The following DCDC1 variants were observed in gnomAD, a reference collection of about 807,000 sequenced individuals.
DCDC1 encodes doublecortin domain-containing protein 1.
DCDC1 carries 200 observed loss-of-function variants against 178.3 expected under a neutral mutation model. That is an observed-to-expected ratio of 1.12 (90% CI 1.00 to 1.26). DCDC1 has a LOEUF of 1.26. Among genes scored for constraint, DCDC1 ranks in the 50% most tolerant of loss-of-function variants. The pLI is 0.00. For synonymous variants in DCDC1, 690 were observed against 604.8 expected (o/e 1.14, Z -2.07); for missense variants, 1,983 against 1,749.2 (o/e 1.13, Z -2.38).
intron 9 of DCDC1, among the ~76,000 whole-genome samples, chr11:31,165,064 T>C (rs1966648024): frequency 6.6e-6 from 1 of 152,148 alleles, no homozygotes; most frequent in South Asian, 2.1e-4. Flanking sequence ...TAGGAGCAAA[T>C]AGGCTATACC....
At chr11:31,014,582 G>T (rs1952368632) in intron 20 of DCDC1, among the ~76,000 whole-genome samples, 2 of 152,172 alleles carry the variant, frequency 1.3e-5, no homozygotes, top group South Asian at 4.2e-4. Flanking sequence ...CTAAGTTTGG[G>T]GTAATTTTTA....
Position 31,130,704 on chromosome 11 carries a change from GAGTC to G in DCDC1, c.1315-3069_1315-3066del, listed in dbSNP as rs541890506. Among the ~76,000 whole-genome samples the G allele has an allele frequency of 3.8e-3, 581 of 152,198 alleles. 2 individuals carry two copies. Among genetic ancestry groups the G allele is most frequent in the African/African-American group, 0.013 (560 of 41,526 alleles). On this transcript the variant is annotated intron_variant, in intron 10 of 38. Coordinates refer to ENST00000684477, the MANE Select transcript of DCDC1 (RefSeq NM_001387274.1). Reference sequence around the variant, plus strand: ...TATAACTTATATAGTAGGTTACTAAGAGTCAGCCTTTAACTGTAAATTCAAATGA... The same window carrying G: ...TATAACTTATATAGTAGGTTACTAAGAGCCTTTAACTGTAAATTCAAATGA...
intron 4 of DCDC1, 27 bp from the exon 5 acceptor site, chr11:31,306,415 TG>T: frequency 6.4e-7 from 1 of 1,572,040 alleles, no homozygotes; most frequent in East Asian, 2.3e-5. Flanking sequence ...ACAGAAAAAT[TG>T]ATGCATGCTA....
intron 35 of DCDC1, among the ~76,000 whole-genome samples, chr11:30,893,928 G>A (rs746997859): frequency 2.0e-5 from 3 of 152,142 alleles, no homozygotes; most frequent in Non-Finnish European, 2.9e-5. Context: ...TAGGAGTAAT[G>A]AGCAATGAAG....
chr11:30,894,620 G>A (rs1008356082), intron 34 of DCDC1, among the ~76,000 whole-genome samples: 27 of 152,184 alleles, frequency 1.8e-4, no homozygotes, highest in Middle Eastern at 3.2e-3. Context: ...GGTAGAAGAC[G>A]AAGATAACAT....
chr11:31,073,289 A>G (rs910409246), intron 18 of DCDC1, among the ~76,000 whole-genome samples: 5 of 152,214 alleles, frequency 3.3e-5, no homozygotes, highest in African/African-American at 1.2e-4. Flanking sequence ...ATCAGCGATA[A>G]TATTGTTAGG....
chr11:31,159,655 A>G (rs1041821938), intron 9 of DCDC1, among the ~76,000 whole-genome samples: 1 of 152,266 alleles, frequency 6.6e-6, no homozygotes, highest in African/African-American at 2.4e-5. Flanking sequence ...ATGCTTCAAG[A>G]AAGAAAATCA....
intron 9 of DCDC1, among the ~76,000 whole-genome samples, chr11:31,182,598 AAACAACAAC>A (rs751802880): frequency 6.6e-6 from 1 of 151,956 alleles, no homozygotes; most frequent in South Asian, 2.1e-4. Context: ...TGTAAAAACA[AAACAACAAC>A]AACAACAACA....
chr11:31,214,886 T>G (rs892299618), intron 9 of DCDC1, among the ~76,000 whole-genome samples: 1 of 151,792 alleles, frequency 6.6e-6, no homozygotes. Flanking sequence ...ACATAAGAAA[T>G]AAATTACTAT....
intron 9 of DCDC1, among the ~76,000 whole-genome samples, chr11:31,200,719 T>C (rs12418457): frequency 0.076 from 11,596 of 152,072 alleles, 1,205 homozygotes; most frequent in African/African-American, 0.23. Context: ...TCATGTGCTA[T>C]TTCCAGAAAT....
At chr11:31,033,334 T>C (rs773026473) in intron 20 of DCDC1, among the ~76,000 whole-genome samples, 2 of 152,148 alleles carry the variant, frequency 1.3e-5, no homozygotes, top group Non-Finnish European at 2.9e-5. Flanking sequence ...TTATATACTC[T>C]GTTTTACATG....
At chr11:31,214,492 G>C (rs929655365) in intron 9 of DCDC1, among the ~76,000 whole-genome samples, 1 of 152,100 alleles carries the variant, frequency 6.6e-6, no homozygotes, top group Non-Finnish European at 1.5e-5. Context: ...CAGTGGGCCT[G>C]AGATGGGTAA....
At chr11:30,954,756 T>G (rs1269234710) in intron 20 of DCDC1, among the ~76,000 whole-genome samples, 2 of 152,228 alleles carry the variant, frequency 1.3e-5, no homozygotes, top group African/African-American at 4.8e-5. Context: ...CCAGTGCACA[T>G]GATGGTCATC....
At chr11:31,221,635 G>C (rs903888886) in intron 9 of DCDC1, among the ~76,000 whole-genome samples, 5 of 152,104 alleles carry the variant, frequency 3.3e-5, no homozygotes, top group Admixed American at 2.6e-4. Context: ...GTTCAAACTG[G>C]TAGTATCTCT....
intron 20 of DCDC1, among the ~76,000 whole-genome samples, chr11:31,044,206 G>C (rs913870443): frequency 6.6e-6 from 1 of 152,078 alleles, no homozygotes; most frequent in Non-Finnish European, 1.5e-5. Context: ...GGCCGGGCAC[G>C]GTGGCTCACG....
intron 20 of DCDC1, among the ~76,000 whole-genome samples, chr11:30,978,861 T>C (rs1378208127): frequency 6.7e-6 from 1 of 150,230 alleles, no homozygotes; most frequent in Non-Finnish European, 1.5e-5. Context: ...ATCATTCTAC[T>C]CCCTACCTCC....
intron 20 of DCDC1, among the ~76,000 whole-genome samples, chr11:31,052,055 C>G (rs1311733063): frequency 6.6e-6 from 1 of 152,016 alleles, no homozygotes; most frequent in Non-Finnish European, 1.5e-5. Context: ...ACATACAGAA[C>G]CACAAAATGG....
chr11:31,212,959 G>T (rs569548376), intron 9 of DCDC1, among the ~76,000 whole-genome samples: 1 of 152,152 alleles, frequency 6.6e-6, no homozygotes, highest in South Asian at 2.1e-4. Flanking sequence ...ACGTGAAGAA[G>T]AAATTCTCCT....
At chr11:31,221,615 G>A (rs547427096) in intron 9 of DCDC1, among the ~76,000 whole-genome samples, 24 of 152,064 alleles carry the variant, frequency 1.6e-4, no homozygotes, top group Non-Finnish European at 2.6e-4. Context: ...CACTTTCTCT[G>A]TTCCCTTTAG....
Sources: gnomAD v4.1 joint callset for allele counts (sites outside exome capture counted in the v4.1 genomes callset) on GRCh38, gnomAD v4.1.1 for gene constraint, MANE v1.5 for transcripts, NCBI Gene and HGNC (gene_info 2026-07-23, HGNC 2026-07-21) for gene names.